PRKCZ: variants seen among roughly 807,000 people sequenced by gnomAD.
PRKCZ encodes protein kinase C zeta type.
A neutral mutation model predicts 79.5 loss-of-function variants in PRKCZ; 33 were observed. The observed-to-expected ratio is 0.41, with a 90% CI of 0.31 to 0.55. The LOEUF (loss-of-function observed/expected upper bound fraction) is 0.55, where lower values mean the gene tolerates loss of function less well. Among genes scored for constraint, PRKCZ ranks in the 20% least tolerant of loss-of-function variants. The pLI is 0.19. For missense variants in PRKCZ, 578 were observed against 813.5 expected (o/e 0.71, Z 3.52); for synonymous variants, 342 against 320.9 (o/e 1.07, Z -0.70).
intron 5 of PRKCZ, among the ~76,000 whole-genome samples, chr1:2,137,909 A>C (rs1216489891): frequency 6.6e-6 from 1 of 152,222 alleles, no homozygotes; most frequent in Non-Finnish European, 1.5e-5. Context: ...CAGTTTCACA[A>C]ACACAGAGGC....
chr1:2,154,517 C>T (rs764975308), intron 9 of PRKCZ, among the ~76,000 whole-genome samples: 1 of 152,140 alleles, frequency 6.6e-6, no homozygotes, highest in African/African-American at 2.4e-5. Context: ...TGGGGGCAGG[C>T]AACACAGTAA....
Position 2,173,776 on chromosome 1 carries a change from C to G in PRKCZ, c.1286-121C>G. The G allele has an allele frequency of 7.2e-7, 1 of 1,398,302 alleles. No homozygotes were observed. The highest frequency in any genetic ancestry group is 9.5e-7 in the Non-Finnish European group (1 of 1,051,568). The allele number at this position is 1,398,302 out of a possible 1,614,324, so 86.6% of individuals were successfully genotyped here. ...AGTGGAAGTCACAGAGGCCTGTGTG[C>G]CGCCTGCTCAAGCCTGGCTCACACT... On this transcript the variant is annotated intron_variant, in intron 13 of 17. Transcript: ENST00000378567. The surrounding 1 kb of genome is among the most constrained non-coding windows in gnomAD (Gnocchi z 5.7).
chr1:2,092,774 T>C (rs1665741947), intron 4 of PRKCZ, among the ~76,000 whole-genome samples: 1 of 152,168 alleles, frequency 6.6e-6, no homozygotes, highest in African/African-American at 2.4e-5. Flanking sequence ...GTCTTCACTG[T>C]GAGCAGGGAG....
At chr1:2,056,342 C>T (rs1180755242) in intron 2 of PRKCZ, 142 bp from the exon 3 acceptor site, 10 of 730,954 alleles carry the variant, frequency 1.4e-5, no homozygotes, top group South Asian at 4.2e-5. Context: ...TTGGACCTCC[C>T]GACCCTGCCA....
At chr1:2,048,562 C>T (rs1203505817), upstream of PRKCZ, among the ~76,000 whole-genome samples, 2 of 152,112 alleles carry the variant, frequency 1.3e-5, no homozygotes, top group African/African-American at 2.4e-5. Context: ...GGCAGAGGAG[C>T]TGGCCTTCCC....
intron 4 of PRKCZ, 116 bp from the exon 5 acceptor site, chr1:2,135,146 C>T: frequency 2.4e-6 from 2 of 827,992 alleles, no homozygotes; most frequent in Non-Finnish European, 3.8e-6. Flanking sequence ...CCTTCCCTGC[C>T]TGGGAGGACG....
At chr1:2,157,215 C>T (rs2103305730) in intron 10 of PRKCZ, among the ~76,000 whole-genome samples, 1 of 152,282 alleles carries the variant, frequency 6.6e-6, no homozygotes, top group South Asian at 2.1e-4. Flanking sequence ...TGCCAGTCTA[C>T]TTCAGGGAGG....
At chr1:2,143,962 TC>T in intron 5 of PRKCZ, 2 of 464,294 alleles carry the variant, frequency 4.3e-6, no homozygotes. Flanking sequence ...CTCCCCTGTG[TC>T]CCCTCATGCA....
chr1:2,159,589 T>A (rs1035535354), intron 10 of PRKCZ, among the ~76,000 whole-genome samples: 1 of 152,236 alleles, frequency 6.6e-6, no homozygotes, highest in African/African-American at 2.4e-5. Flanking sequence ...TCAGAATTGC[T>A]TTCTTTCCAC....
intron 16 of PRKCZ, 176 bp from the exon 17 acceptor site, chr1:2,184,407 T>C (rs1277013984): frequency 7.0e-6 from 4 of 574,180 alleles, no homozygotes; most frequent in South Asian, 4.3e-5. Context: ...TTTCTGACTT[T>C]GGATATTTTC....
At chr1:2,134,689 C>T (rs534475585) in intron 4 of PRKCZ, 3 of 152,282 alleles carry the variant, frequency 2.0e-5, no homozygotes, top group Non-Finnish European at 2.9e-5. Flanking sequence ...AAAGGAAACT[C>T]GACTGGAGAG....
At chr1:2,070,805 G>T (rs1351123594) in intron 4 of PRKCZ, among the ~76,000 whole-genome samples, 4 of 151,354 alleles carry the variant, frequency 2.6e-5, no homozygotes, top group Admixed American at 6.6e-5. Context: ...GTCCTCGGCT[G>T]CGGGGGCCGG....
chr1:2,130,669 T>C (rs1018854727), intron 4 of PRKCZ, among the ~76,000 whole-genome samples: 7 of 151,866 alleles, frequency 4.6e-5, no homozygotes, highest in Non-Finnish European at 1.0e-4. Context: ...CAGCCTTTGC[T>C]CTGTGGAGGC....
rs1685729085 is a variant in PRKCZ, at chr1:2,177,578, G to T, written c.1575+2265G>T. Among the ~76,000 whole-genome samples the T allele has an allele frequency of 6.6e-6, 1 of 152,224 alleles. No homozygotes were observed. The highest frequency in any genetic ancestry group is 2.1e-4 in the South Asian group (1 of 4,834). On this transcript the variant is annotated intron_variant, in intron 16 of 17. Coordinates refer to ENST00000378567, the MANE Select transcript of PRKCZ (RefSeq NM_002744.6). This position sits in a 1 kb window ranked among gnomAD's most constrained non-coding sequence, Gnocchi z 6.4. ...TCGGAGCACTGTCTAATCTGAGTGT[G>T]AGTCCAACCCTGCCCGAGCCGGAAC... is the stretch of plus-strand genomic sequence containing the variant.
intron 16 of PRKCZ, among the ~76,000 whole-genome samples, chr1:2,180,605 C>T (rs147596890): frequency 6.6e-4 from 100 of 152,202 alleles, no homozygotes; most frequent in African/African-American, 2.1e-3. Context: ...CGTGGACGCA[C>T]GGATGACTCA....
chr1:2,090,721 C>T (rs547147954), intron 4 of PRKCZ, among the ~76,000 whole-genome samples: 7 of 152,330 alleles, frequency 4.6e-5, no homozygotes, highest in East Asian at 1.9e-4. Flanking sequence ...GCCCTGGGAG[C>T]GGCAGCCGGG....
intron 4 of PRKCZ, among the ~76,000 whole-genome samples, chr1:2,101,386 C>T (rs145990173): frequency 1.4e-3 from 207 of 152,342 alleles, no homozygotes; most frequent in African/African-American, 4.6e-3. Context: ...CTGATGTCCC[C>T]CGGCCCCCAG....
At chr1:2,155,290 TA>T (rs1438932326) in intron 9 of PRKCZ, among the ~76,000 whole-genome samples, 3 of 138,448 alleles carry the variant, frequency 2.2e-5, no homozygotes, top group Non-Finnish European at 4.4e-5. Context: ...ATGATGATGG[TA>T]GTGGTGATGA....
At chr1:2,084,474 G>A (rs1033908247) in intron 4 of PRKCZ, among the ~76,000 whole-genome samples, 6 of 152,184 alleles carry the variant, frequency 3.9e-5, no homozygotes, top group African/African-American at 7.2e-5. Flanking sequence ...GCCAGTTCCC[G>A]CCGCTTCACC....
Sources: allele counts gnomAD v4.1 joint callset (sites outside exome capture counted in the v4.1 genomes callset), GRCh38; gene constraint gnomAD v4.1.1; non-coding constraint Gnocchi (gnomAD v3.1); transcripts MANE v1.5; gene names NCBI Gene and HGNC (gene_info 2026-07-23, HGNC 2026-07-21).